ADARB2: variants seen among roughly 807,000 people sequenced by gnomAD.
ADARB2 encodes the protein adenosine deaminase RNA specific B2 (inactive).
Under a neutral mutation model 62.2 loss-of-function variants are expected in ADARB2, and 25 were observed. The observed-to-expected ratio is 0.40, with a 90% confidence interval of 0.29 to 0.56. ADARB2 has a LOEUF of 0.56. Among genes scored for constraint, ADARB2 ranks in the 20% least tolerant of loss-of-function variants. The probability of loss-of-function intolerance (pLI) is 0.43; values close to 1 mark genes in which losing one functional copy is unlikely to be tolerated. For missense variants in ADARB2, 1,071 were observed against 1,077.4 expected (o/e 0.99, Z 0.08); for synonymous variants, 572 against 500.8 (o/e 1.14, Z -1.90).
At chr10:1,734,491 G>A (rs769787986) in intron 1 of ADARB2, among the ~76,000 whole-genome samples, 1 of 152,096 alleles carries the variant, frequency 6.6e-6, no homozygotes, top group Non-Finnish European at 1.5e-5. Flanking sequence ...TTGATAAGAA[G>A]CATATCATGC....
rs145428698 is a variant in ADARB2, at chr10:1,329,355, G to A, written c.1077+33673C>T. On this transcript the variant is annotated intron_variant, in intron 3 of 9. Coordinates refer to ENST00000381312, the MANE Select transcript of ADARB2 (RefSeq NM_018702.4). ...TCCAGTGATTCTTAAGAGTTTAAAT[G>A]ATTAAATCTCTAAAAATGTATCCCT... Among the ~76,000 whole-genome samples, 9 of 152,332 alleles carry A rather than the reference G, an allele frequency of 5.9e-5. No individual in the cohort carries two copies. In the East Asian group the frequency reaches 1.7e-3, roughly 29 times the overall value.
chr10:1,648,007 A>G (rs1295956429), intron 1 of ADARB2, among the ~76,000 whole-genome samples: 1 of 152,204 alleles, frequency 6.6e-6, no homozygotes, highest in Non-Finnish European at 1.5e-5. Flanking sequence ...AATTGAGTGG[A>G]TACATGTCTT....
At chr10:1,415,453 TGATGAGTGGATG>T in intron 1 of ADARB2, among the ~76,000 whole-genome samples, 1 of 151,722 alleles carries the variant, frequency 6.6e-6, no homozygotes, top group Admixed American at 6.6e-5. Flanking sequence ...ACAGATGAGT[TGATGAGTGGATG>T]GATGAATGGA....
intron 1 of ADARB2, among the ~76,000 whole-genome samples, chr10:1,452,823 A>AG (rs1564293291): frequency 1.3e-5 from 2 of 151,330 alleles, no homozygotes; most frequent in East Asian, 3.9e-4. Context: ...ATGAAAAAAA[A>AG]CCTTTTGTAT....
intron 1 of ADARB2, among the ~76,000 whole-genome samples, chr10:1,671,017 A>G (rs1267724660): frequency 1.3e-5 from 2 of 152,226 alleles, no homozygotes; most frequent in Non-Finnish European, 2.9e-5. Context: ...TGATTTTTAA[A>G]TGGAATTTCA....
At chr10:1,516,671 A>G (rs908598565) in intron 1 of ADARB2, among the ~76,000 whole-genome samples, 1 of 152,216 alleles carries the variant, frequency 6.6e-6, no homozygotes, top group African/African-American at 2.4e-5. Flanking sequence ...ATTTTCCTCG[A>G]GCTGCATGCG....
chr10:1,440,132 G>GTC (rs1830886874), intron 1 of ADARB2, among the ~76,000 whole-genome samples: 1 of 147,214 alleles, frequency 6.8e-6, no homozygotes, highest in Non-Finnish European at 1.5e-5. Context: ...GGGCTCCTGA[G>GTC]TCTCCCCCAG....
chr10:1,214,393 G>A (rs74683325), intron 7 of ADARB2, among the ~76,000 whole-genome samples: 1,042 of 79,312 alleles, frequency 0.013, 6 homozygotes, highest in Middle Eastern at 0.022. Context: ...ACCTGCCAGC[G>A]TTGCGTGGGT....
At position 1,425,333 on chromosome 10, in the gene ADARB2, T is replaced by C. The variant is rs543979812; in HGVS notation, c.101-46173A>G. Among the ~76,000 whole-genome samples the C allele has an allele frequency of 7.1e-4, 108 of 152,312 alleles. 1 individual carries two copies. Among genetic ancestry groups the C allele is most frequent in the African/African-American group, 2.4e-3 (100 of 41,572 alleles). ...TTTACGCTGAATGGCATTCATTTAT[T>C]TGGGTTTTTGTTTCCCTGAATCCAT... is the stretch of plus-strand genomic sequence containing the variant. On this transcript the variant is annotated intron_variant, in intron 1 of 9. Coordinates refer to ENST00000381312, the MANE Select transcript of ADARB2 (RefSeq NM_018702.4).
intron 8 of ADARB2, among the ~76,000 whole-genome samples, chr10:1,189,438 G>C (rs1836806981): frequency 6.6e-6 from 1 of 152,080 alleles, no homozygotes; most frequent in South Asian, 2.1e-4. Context: ...TGCATTGCTA[G>C]CGGTAGTTGT....
chr10:1,686,257 GC>G (rs1834595502), intron 1 of ADARB2, among the ~76,000 whole-genome samples: 1 of 152,260 alleles, frequency 6.6e-6, no homozygotes, highest in South Asian at 2.1e-4. Flanking sequence ...CAAGGCCTCG[GC>G]GGGGGTTCTC....
At chr10:1,442,766 AT>A (rs544910146) in intron 1 of ADARB2, among the ~76,000 whole-genome samples, 4 of 152,042 alleles carry the variant, frequency 2.6e-5, no homozygotes, top group Non-Finnish European at 2.9e-5. Flanking sequence ...TGCCGTTTTG[AT>A]TTTTTTTCTT....
chr10:1,266,259 G>C (rs1224391811), intron 4 of ADARB2, among the ~76,000 whole-genome samples: 2 of 152,206 alleles, frequency 1.3e-5, no homozygotes, highest in Non-Finnish European at 2.9e-5. Flanking sequence ...GGTCAGGCCT[G>C]GGAGGGCCCA....
At position 1,572,519 on chromosome 10, in the gene ADARB2, G is replaced by A. The variant is rs770667106; in HGVS notation, c.100+164532C>T. Among the ~76,000 whole-genome samples the A allele has an allele frequency of 6.6e-4, 100 of 152,164 alleles. 1 individual carries two copies. Among genetic ancestry groups the A allele is most frequent in the Non-Finnish European group, 2.2e-4 (15 of 68,022 alleles). On this transcript the variant is annotated intron_variant, in intron 1 of 9. Transcript: ENST00000381312. ...GTTTGTTTTGTTTTGTAGCATGTTG[G>A]TTTGTATAGAAGAGACAAGTGCCCA... is the stretch of plus-strand genomic sequence containing the variant.
intron 1 of ADARB2, among the ~76,000 whole-genome samples, chr10:1,471,135 G>T (rs1298068639): frequency 3.3e-5 from 5 of 152,154 alleles, no homozygotes; most frequent in African/African-American, 4.8e-5. Flanking sequence ...ATCCCACAGG[G>T]GTGGTTTTTT....
intron 3 of ADARB2, among the ~76,000 whole-genome samples, chr10:1,357,599 C>T (rs1350192200): frequency 2.6e-5 from 4 of 152,286 alleles, no homozygotes; most frequent in Middle Eastern, 3.4e-3. Context: ...TGCAAGGAGC[C>T]TGCAGACCCC....
rs555998194 is a variant in ADARB2 at position 1,633,155 on chromosome 10, G to A, written c.100+103896C>T. 2.6e-5 allele frequency among the ~76,000 whole-genome samples: 4 copies of A among 152,228 alleles called. No homozygotes were observed. In the East Asian group the frequency reaches 5.8e-4, roughly 22 times the overall value. ...GACTCAGGCTAGGGCTACACTGTTG[G>A]CTCCCCTGGTTCTGAGCCCTTTGGG... is the stretch of plus-strand genomic sequence containing the variant. On this transcript the variant is annotated intron_variant, in intron 1 of 9. Transcript: ENST00000381312.
intron 7 of ADARB2, among the ~76,000 whole-genome samples, chr10:1,207,203 C>T (rs951059749): frequency 6.6e-6 from 1 of 151,960 alleles, no homozygotes; most frequent in Non-Finnish European, 1.5e-5. Context: ...AAAAATTAGC[C>T]GGGAATGGTG....
intron 6 of ADARB2, among the ~76,000 whole-genome samples, chr10:1,228,812 C>G (rs977112030): frequency 6.6e-6 from 1 of 152,234 alleles, no homozygotes; most frequent in African/African-American, 2.4e-5. Flanking sequence ...TCTGCCTGGC[C>G]TCTGCAGACA....
Sources: allele counts gnomAD v4.1 joint callset (sites outside exome capture counted in the v4.1 genomes callset), GRCh38; gene constraint gnomAD v4.1.1; transcripts MANE v1.5; gene names NCBI Gene and HGNC (gene_info 2026-07-23, HGNC 2026-07-21).